MYT1L: variants seen among roughly 807,000 people sequenced by gnomAD.
MYT1L encodes myelin transcription factor 1 like, also known as myelin transcription factor 1-like protein.
In MYT1L, 12 loss-of-function variants were observed where a neutral mutation model predicts 126.7. That is an observed-to-expected ratio of 0.09 (90% CI 0.06 to 0.15). MYT1L has a LOEUF of 0.15. MYT1L is among the 10% of genes least tolerant of loss of function. MYT1L has a pLI of 1.00. For missense variants in MYT1L, 979 were observed against 1,585.2 expected (o/e 0.62, Z 6.49); for synonymous variants, 541 against 604.2 (o/e 0.90, Z 1.53).
chr2:2,245,626 G>A (rs2094519740), intron 2 of MYT1L, among the ~76,000 whole-genome samples: 1 of 151,730 alleles, frequency 6.6e-6, no homozygotes, highest in Admixed American at 6.6e-5. Context: ...GGAGGCTCAA[G>A]GAGTTCCCAA....
intron 1 of MYT1L, chr2:2,303,380 C>T (rs570288025): frequency 6.6e-6 from 1 of 152,508 alleles, no homozygotes; most frequent in East Asian, 1.9e-4. Flanking sequence ...CAAGGGCACC[C>T]AGCACCATTA....
In MYT1L at chr2:1,835,966, G is replaced by C. The variant is rs1029551719; in HGVS notation, c.3080+3183C>G. On this transcript the variant is annotated intron_variant, in intron 21 of 24. Transcript: ENST00000647738. ...CATCAAGCTGTGGCCCTGCAGGCTA[G>C]GTGGAGCACAGGCAGCTGGAGTCAT... Among the ~76,000 whole-genome samples the C allele has an allele frequency of 1.2e-4, 18 of 152,152 alleles. 1 individual carries two copies. The highest frequency in any genetic ancestry group is 2.9e-5 in the Non-Finnish European group (2 of 68,024).
intron 21 of MYT1L, among the ~76,000 whole-genome samples, chr2:1,818,549 A>AT (rs773101006): frequency 5.8e-4 from 89 of 152,220 alleles, no homozygotes; most frequent in Non-Finnish European, 6.2e-4. Context: ...CTTGTCACTG[A>AT]TTGACTCATG....
rs980648225 is a variant in MYT1L at position 1,791,241 on chromosome 2, G to A, written c.*626C>T. The A allele has an allele frequency of 2.1e-6, 1 of 470,888 alleles. No homozygotes were observed. Among genetic ancestry groups the A allele is most frequent in the African/African-American group, 2.0e-5 (1 of 50,002 alleles). The allele number at this position is 470,888 out of a possible 1,614,324, so 29.2% of individuals were successfully genotyped here. On this transcript the variant is annotated 3_prime_UTR_variant, in exon 25 of 25. Transcript: ENST00000647738. This position sits in a 1 kb window ranked among gnomAD's most constrained non-coding sequence, Gnocchi z 6.0. ...TGGAATGCAAAAAACCTCATTTATT[G>A]CCCCCACCATACACCATCCTCCTAA...
intron 2 of MYT1L, among the ~76,000 whole-genome samples, chr2:2,234,842 C>T (rs2094246990): frequency 6.6e-6 from 1 of 152,184 alleles, no homozygotes; most frequent in South Asian, 2.1e-4. Flanking sequence ...TCTGATTGCA[C>T]TGTGTTCATA....
chr2:1,968,273 T>G (rs773989689), intron 8 of MYT1L, among the ~76,000 whole-genome samples: 8 of 120,780 alleles, frequency 6.6e-5, no homozygotes, highest in Non-Finnish European at 9.8e-5. Flanking sequence ...CCCGCTTCCC[T>G]TCCTGGCTCC....
chr2:2,277,034 T>TGCA (rs964123885), intron 2 of MYT1L, among the ~76,000 whole-genome samples: 1 of 151,912 alleles, frequency 6.6e-6, no homozygotes, highest in African/African-American at 2.4e-5. Flanking sequence ...CAGGCTGGAG[T>TGCA]GCAGTGGCGC....
intron 4 of MYT1L, among the ~76,000 whole-genome samples, chr2:2,009,959 T>A (rs986214577): frequency 3.3e-5 from 5 of 151,654 alleles, no homozygotes; most frequent in Non-Finnish European, 7.4e-5. Flanking sequence ...TTTTTCTGTG[T>A]CAGTTGAGAT....
chr2:1,792,905 TC>T (rs1197671834), intron 23 of MYT1L, among the ~76,000 whole-genome samples: 1 of 122,204 alleles, frequency 8.2e-6, no homozygotes, highest in Non-Finnish European at 1.7e-5. Flanking sequence ...GAAAAAGGCT[TC>T]CGTGGTGATA....
intron 2 of MYT1L, among the ~76,000 whole-genome samples, chr2:2,204,130 A>T (rs1002518316): frequency 6.6e-6 from 1 of 152,256 alleles, no homozygotes; most frequent in Non-Finnish European, 1.5e-5. Context: ...TTAAATACTT[A>T]CATGTTAGAC....
chr2:1,989,149 G>C (rs918590772), intron 5 of MYT1L, among the ~76,000 whole-genome samples: 4 of 152,276 alleles, frequency 2.6e-5, no homozygotes, highest in Non-Finnish European at 5.9e-5. Context: ...GTGTGTGTGT[G>C]TGTGTCAGGT....
chr2:2,250,067 T>G (rs976146722), intron 2 of MYT1L, among the ~76,000 whole-genome samples: 3 of 152,166 alleles, frequency 2.0e-5, no homozygotes, highest in African/African-American at 7.2e-5. Context: ...TTATATACTC[T>G]TAGTGGAAAT....
At position 1,789,959 on chromosome 2, in the gene MYT1L, A is replaced by C. The variant is rs1213359555; in HGVS notation, c.*1908T>G. On this transcript the variant is annotated 3_prime_UTR_variant, in exon 25 of 25. Coordinates refer to ENST00000647738, the MANE Select transcript of MYT1L (RefSeq NM_001303052.2). ...TATAAAGTGCCGCTGGGATATACAT[A>C]TATTTATACACATATATATATACCG... is the stretch of plus-strand genomic sequence containing the variant. The C allele has an allele frequency of 6.6e-6, 1 of 152,256 alleles. No individual in the cohort carries two copies. The highest frequency in any genetic ancestry group is 1.5e-5 in the Non-Finnish European group (1 of 68,050). 9.4% of individuals were successfully genotyped at this position (152,256 alleles called of 1,614,324 possible).
At chr2:2,218,969 A>C (rs138567679) in intron 2 of MYT1L, among the ~76,000 whole-genome samples, 2 of 152,320 alleles carry the variant, frequency 1.3e-5, no homozygotes, top group African/African-American at 4.8e-5. Flanking sequence ...TCATTCCATC[A>C]TTTGAAATAA....
At chr2:2,061,739 G>T (rs1284194052) in intron 3 of MYT1L, among the ~76,000 whole-genome samples, 2 of 152,104 alleles carry the variant, frequency 1.3e-5, no homozygotes, top group Admixed American at 1.3e-4. Context: ...CCCAGCTCCA[G>T]ATTGCTTGTG....
chr2:1,910,439 G>T lies in MYT1L; in HGVS notation c.1710-92C>A. ...TTAGCACCAAGACCCTGATGCAGGT[G>T]GAGCTGGTGAGGGAGGGGTAGTTTC... On this transcript the variant is annotated intron_variant, in intron 12 of 24. Coordinates refer to ENST00000647738, the MANE Select transcript of MYT1L (RefSeq NM_001303052.2). This position sits in a 1 kb window ranked among gnomAD's most constrained non-coding sequence, Gnocchi z 4.8. The T allele has an allele frequency of 8.2e-7, 1 of 1,213,112 alleles. No homozygotes were observed. Among genetic ancestry groups the T allele is most frequent in the Non-Finnish European group, 1.2e-6 (1 of 846,360 alleles). 75.1% of individuals were successfully genotyped at this position (1,213,112 alleles called of 1,614,324 possible). A position where few individuals can be genotyped will look rare whatever the true frequency, so the allele number is the denominator to read the frequency against.
At chr2:1,957,365 T>C (rs1292394613) in intron 8 of MYT1L, among the ~76,000 whole-genome samples, 1 of 152,178 alleles carries the variant, frequency 6.6e-6, no homozygotes, top group Non-Finnish European at 1.5e-5. Context: ...GTGGACCTGT[T>C]ATCTAAGCAG....
At chr2:2,218,086 T>C (rs1205073462) in intron 2 of MYT1L, among the ~76,000 whole-genome samples, 1 of 152,100 alleles carries the variant, frequency 6.6e-6, no homozygotes, top group African/African-American at 2.4e-5. Flanking sequence ...GGTGAAGAAG[T>C]TGGAGGAATA....
rs533362010 is a variant in MYT1L, at chr2:1,988,821, G to A, written c.-1+8370C>T. ...TGTGATTACAGGCATGAGCCACTGCGCCTGGCTGGGTACATAGCCGATGCT... is the reference window on the plus strand; with the variant it reads ...TGTGATTACAGGCATGAGCCACTGCACCTGGCTGGGTACATAGCCGATGCT... On this transcript the variant is annotated intron_variant, in intron 5 of 24. Coordinates refer to ENST00000647738, the MANE Select transcript of MYT1L (RefSeq NM_001303052.2). Among the ~76,000 whole-genome samples, 19 of 152,302 alleles carry A rather than the reference G, an allele frequency of 1.2e-4. No individual in the cohort carries two copies. The South Asian group carries it at 2.1e-3, about 17-fold the overall frequency.
Sources: gnomAD v4.1 joint callset for allele counts (sites outside exome capture counted in the v4.1 genomes callset) on GRCh38, gnomAD v4.1.1 for gene constraint, Gnocchi (gnomAD v3.1) non-coding constraint, MANE v1.5 for transcripts, NCBI Gene and HGNC (gene_info 2026-07-23, HGNC 2026-07-21) for gene names.